Variants in CYP4F22 observed in about 807,000 individuals in gnomAD.
CYP4F22 encodes the protein cytochrome P450 family 4 subfamily F member 22.
CYP4F22 carries 37 observed loss-of-function variants against 60.4 expected under a neutral mutation model. The ratio of observed to expected loss-of-function variants is 0.61; its 90% CI spans 0.47 to 0.81. CYP4F22 has a LOEUF of 0.81. Among genes scored for constraint, CYP4F22 ranks in the 30% least tolerant of loss-of-function variants. The pLI, the probability that CYP4F22 is intolerant of heterozygous loss-of-function variation, is 0.00. For missense variants in CYP4F22, 655 were observed against 715.0 expected, an observed-to-expected ratio of 0.92 and a Z score of 0.96; for synonymous variants, 258 against 280.5, an observed-to-expected ratio of 0.92 and a Z score of 0.80.
At chr19:15,549,505 G>A (rs894295851) in intron 12 of CYP4F22, among the ~76,000 whole-genome samples, 5 of 152,140 alleles carry the variant, frequency 3.3e-5, no homozygotes, top group African/African-American at 9.7e-5. Context: ...TTTGGGTATT[G>A]ATACATGCAC....
At chr19:15,534,371 T>C (rs377373875) in intron 4 of CYP4F22, among the ~76,000 whole-genome samples, 1 of 152,204 alleles carries the variant, frequency 6.6e-6, no homozygotes, top group Admixed American at 6.5e-5. Flanking sequence ...AACATAGTGA[T>C]ATGCAGCTTT....
chr19:15,521,769 C>G (rs1234348820), intron 1 of CYP4F22, among the ~76,000 whole-genome samples: 1 of 152,188 alleles, frequency 6.6e-6, no homozygotes, highest in African/African-American at 2.4e-5. Context: ...CAACTGGGCT[C>G]AAGCAATCTT....
intron 3 of CYP4F22, among the ~76,000 whole-genome samples, chr19:15,528,186 C>A (rs775836281): frequency 6.6e-6 from 1 of 152,264 alleles, no homozygotes; most frequent in Admixed American, 6.5e-5. Context: ...GGCACAGTGG[C>A]TCACACCTGC....
chr19:15,512,780 A>G (rs1206993662), intron 1 of CYP4F22, among the ~76,000 whole-genome samples: 1 of 152,104 alleles, frequency 6.6e-6, no homozygotes, highest in Non-Finnish European at 1.5e-5. Context: ...CATAGTTTAC[A>G]TTAGGATTCA....
chr19:15,533,566 C>T (rs905645212), intron 4 of CYP4F22, among the ~76,000 whole-genome samples: 5 of 147,772 alleles, frequency 3.4e-5, no homozygotes, highest in African/African-American at 1.0e-4. Flanking sequence ...AGTTCATTCA[C>T]GTTGTAGTAG....
rs1179280765 is a variant in CYP4F22 at position 15,547,990 on chromosome 19, AGAGAGGGAGAGAGTGTGTGT to A, written c.1137-116_1137-97del. On this transcript the variant is annotated intron_variant, in intron 10 of 13. Coordinates refer to ENST00000269703, the MANE Select transcript of CYP4F22 (RefSeq NM_173483.4). ...CCCTGAGAGAGAGAGAGAGAGAGAG[AGAGAGGGAGAGAGTGTGTGT>A]GTGTGTGTGTGTGTGTGTGTGTGTG... The A allele has an allele frequency of 1.6e-3, 553 of 338,004 alleles. 5 individuals are homozygous for A. Among genetic ancestry groups the A allele is most frequent in the East Asian group, 2.9e-3 (32 of 11,156 alleles). The allele number at this position is 338,004 out of a possible 1,614,324, so 20.9% of individuals were successfully genotyped here.
chr19:15,527,485 T>TC (rs1248229347), intron 3 of CYP4F22, among the ~76,000 whole-genome samples: 1 of 152,204 alleles, frequency 6.6e-6, no homozygotes, highest in Non-Finnish European at 1.5e-5. Context: ...ATGCCCCATC[T>TC]CCAGTGCCCT....
intron 12 of CYP4F22, among the ~76,000 whole-genome samples, chr19:15,549,977 C>T (rs898895532): frequency 2.0e-5 from 3 of 151,976 alleles, no homozygotes; most frequent in African/African-American, 7.3e-5. Flanking sequence ...CAAGCTGGAG[C>T]GTGTGCAGTG....
intron 1 of CYP4F22, among the ~76,000 whole-genome samples, chr19:15,509,975 TCTTTC>T (rs1353949869): frequency 1.3e-5 from 2 of 151,342 alleles, no homozygotes; most frequent in Non-Finnish European, 2.9e-5. Context: ...TTTCTTTCTT[TCTTTC>T]TTTTTTTGTT....
chr19:15,515,475 A>AAAGTGCTGGGATT, intron 1 of CYP4F22: 3 of 787,520 alleles, frequency 3.8e-6, no homozygotes, highest in Non-Finnish European at 6.6e-6. Context: ...TTGCAATCCC[A>AAAGTGCTGGGATT]GCACTTTGGG....
chr19:15,540,414 A>C, intron 7 of CYP4F22, 36 bp from the exon 8 acceptor site: 1 of 1,613,890 alleles, frequency 6.2e-7, no homozygotes, highest in Non-Finnish European at 8.5e-7. Context: ...TGCTAGGGGA[A>C]GGGGCTACAC....
chr19:15,530,781 C>T (rs372109775), intron 4 of CYP4F22, among the ~76,000 whole-genome samples: 31 of 151,976 alleles, frequency 2.0e-4, no homozygotes, highest in East Asian at 1.5e-3. Flanking sequence ...TGGGGGTAAC[C>T]GCCCCCATGA....
chr19:15,549,557 G>A (rs1426363113), intron 12 of CYP4F22, among the ~76,000 whole-genome samples: 2 of 152,210 alleles, frequency 1.3e-5, no homozygotes, highest in African/African-American at 4.8e-5. Flanking sequence ...TACAGGTGCA[G>A]TGGCTCACAC....
chr19:15,533,558 T>G (rs1223052878), intron 4 of CYP4F22, among the ~76,000 whole-genome samples: 1 of 151,886 alleles, frequency 6.6e-6, no homozygotes, highest in African/African-American at 2.4e-5. Context: ...GTTTTTGAAG[T>G]TCATTCACGT....
intron 1 of CYP4F22, among the ~76,000 whole-genome samples, chr19:15,509,896 CCTTCCTTCCTTT>C (rs1246826059): frequency 1.9e-4 from 18 of 93,846 alleles, no homozygotes; most frequent in East Asian, 4.8e-4. Flanking sequence ...TTCCTTCCTT[CCTTCCTTCCTTT>C]CTTTCTTTCC....
intron 12 of CYP4F22, among the ~76,000 whole-genome samples, chr19:15,549,861 G>A (rs1971574681): frequency 6.6e-6 from 1 of 152,088 alleles, no homozygotes; most frequent in South Asian, 2.1e-4. Context: ...CCAGCCACTC[G>A]GGAGGCTGAG....
intron 11 of CYP4F22, among the ~76,000 whole-genome samples, chr19:15,548,836 A>T (rs1971562660): frequency 6.6e-6 from 1 of 152,132 alleles, no homozygotes; most frequent in Admixed American, 6.5e-5. Flanking sequence ...GCTTGAACTC[A>T]ATCCTGGGGG....
chr19:15,544,403 A>G, intron 10 of CYP4F22, 124 bp downstream of exon 10: 1 of 1,178,528 alleles, frequency 8.5e-7, no homozygotes, highest in Non-Finnish European at 1.2e-6. Context: ...CTGAATTGCA[A>G]TTTCTTCAGC....
intron 8 of CYP4F22, among the ~76,000 whole-genome samples, chr19:15,540,993 C>A (rs1971456281): frequency 6.6e-6 from 1 of 152,126 alleles, no homozygotes; most frequent in South Asian, 2.1e-4. Context: ...AAGCAGGAGT[C>A]TGGCTTGAGC....
Sources: allele counts gnomAD v4.1 joint callset (sites outside exome capture counted in the v4.1 genomes callset), GRCh38; gene constraint gnomAD v4.1.1; transcripts MANE v1.5; gene names NCBI Gene and HGNC (gene_info 2026-07-23, HGNC 2026-07-21).